Variants in NEGR1 observed in about 807,000 individuals in gnomAD.
NEGR1 encodes the protein IgLON family member 4.
A neutral mutation model predicts 40.9 loss-of-function variants in NEGR1; 10 were observed. The observed-to-expected ratio is 0.24, with a 90% CI of 0.15 to 0.42. The LOEUF (loss-of-function observed/expected upper bound fraction) is 0.42. NEGR1 is among the 10% of genes least tolerant of loss of function. The pLI is 1.00. For synonymous variants in NEGR1, 185 were observed against 166.8 expected (o/e 1.11, Z -0.84); for missense variants, 352 against 438.9 (o/e 0.80, Z 1.77).
chr1:71,902,906 CATTT>C (rs1336863577), intron 2 of NEGR1, among the ~76,000 whole-genome samples: 2 of 151,804 alleles, frequency 1.3e-5, no homozygotes, highest in South Asian at 2.1e-4. Context: ...GGATGAGCTT[CATTT>C]ATTAATTATG....
At chr1:72,248,970 T>C (rs1654998169) in intron 1 of NEGR1, among the ~76,000 whole-genome samples, 1 of 152,224 alleles carries the variant, frequency 6.6e-6, no homozygotes, top group African/African-American at 2.4e-5. Flanking sequence ...TGCTACTCCA[T>C]TATTCATTTT....
intron 1 of NEGR1, among the ~76,000 whole-genome samples, chr1:72,204,728 T>C (rs1436997612): frequency 6.6e-6 from 1 of 152,192 alleles, no homozygotes; most frequent in Non-Finnish European, 1.5e-5. Context: ...ATAATATACA[T>C]GGATACTCAT....
At chr1:72,252,603 A>G (rs1007352491) in intron 1 of NEGR1, among the ~76,000 whole-genome samples, 1 of 152,192 alleles carries the variant, frequency 6.6e-6, no homozygotes, top group Admixed American at 6.5e-5. Flanking sequence ...TCTATAGTAC[A>G]TATATTAACT....
chr1:71,676,819 T>A (rs1233170644), intron 4 of NEGR1, among the ~76,000 whole-genome samples: 1 of 152,010 alleles, frequency 6.6e-6, no homozygotes, highest in Non-Finnish European at 1.5e-5. Flanking sequence ...AAATTCTGAG[T>A]GAAGGAGGAC....
At chr1:72,258,518 GAAGAA>G (rs1017110022) in intron 1 of NEGR1, among the ~76,000 whole-genome samples, 7 of 151,998 alleles carry the variant, frequency 4.6e-5, no homozygotes, top group African/African-American at 9.7e-5. Flanking sequence ...CAGAGACAAA[GAAGAA>G]AAGAAGAAAT....
chr1:71,415,934 G>C (rs115106810), intron 6 of NEGR1, among the ~76,000 whole-genome samples: 82 of 152,250 alleles, frequency 5.4e-4, no homozygotes, highest in African/African-American at 1.9e-3. Context: ...GTGTGTGTAT[G>C]TGTGTTTTAA....
intron 3 of NEGR1, among the ~76,000 whole-genome samples, chr1:71,772,696 A>G (rs2125775): frequency 0.74 from 113,177 of 151,990 alleles, 44,133 homozygotes; most frequent in East Asian, 0.86. Context: ...TCTATTCTTC[A>G]GAAATTAACA....
At chr1:72,215,365 G>C (rs1653761470) in intron 1 of NEGR1, among the ~76,000 whole-genome samples, 2 of 152,038 alleles carry the variant, frequency 1.3e-5, no homozygotes, top group African/African-American at 2.4e-5. Context: ...ATTGAAAAAT[G>C]GTATCTAATT....
At chr1:71,821,012 G>A (rs1354666121) in intron 2 of NEGR1, among the ~76,000 whole-genome samples, 3 of 151,922 alleles carry the variant, frequency 2.0e-5, no homozygotes, top group South Asian at 2.1e-4. Flanking sequence ...GATTAATATG[G>A]CCTAAGGAAC....
intron 6 of NEGR1, among the ~76,000 whole-genome samples, chr1:71,450,045 C>T (rs1021027955): frequency 1.4e-5 from 2 of 147,950 alleles, no homozygotes. Context: ...GGCTAGAGTG[C>T]AGCGGTCCAC....
At chr1:71,823,826 C>T (rs563939749) in intron 2 of NEGR1, among the ~76,000 whole-genome samples, 127 of 152,172 alleles carry the variant, frequency 8.3e-4, no homozygotes, top group African/African-American at 2.9e-3. Context: ...TTACGGCCAA[C>T]GCCGCCTATT....
intron 1 of NEGR1, among the ~76,000 whole-genome samples, chr1:72,063,321 T>C (rs1047164808): frequency 3.9e-5 from 6 of 152,016 alleles, no homozygotes; most frequent in African/African-American, 1.2e-4. Flanking sequence ...GTCACACCTA[T>C]TAGGTTGGTG....
chr1:71,951,603 G>T (rs1373981827), intron 1 of NEGR1, among the ~76,000 whole-genome samples: 1 of 151,790 alleles, frequency 6.6e-6, no homozygotes, highest in East Asian at 1.9e-4. Context: ...ATAAAAAATA[G>T]CTTCTTTTAA....
intron 2 of NEGR1, among the ~76,000 whole-genome samples, chr1:71,903,279 A>T (rs1256318070): frequency 6.6e-6 from 1 of 151,978 alleles, no homozygotes; most frequent in African/African-American, 2.4e-5. Flanking sequence ...ATTATATTTA[A>T]TAAATACATT....
At chr1:71,419,611 T>A (rs540682240) in intron 6 of NEGR1, among the ~76,000 whole-genome samples, 1 of 152,186 alleles carries the variant, frequency 6.6e-6, no homozygotes, top group East Asian at 1.9e-4. Flanking sequence ...ACTATCATCA[T>A]TTTGGTTTCT....
intron 1 of NEGR1, among the ~76,000 whole-genome samples, chr1:71,948,507 G>C (rs998390068): frequency 2.0e-5 from 3 of 151,830 alleles, no homozygotes; most frequent in African/African-American, 7.3e-5. Flanking sequence ...GAGAGAGAGA[G>C]AGAGAGAGAG....
chr1:71,749,577 T>C (rs1655499785), intron 3 of NEGR1, among the ~76,000 whole-genome samples: 1 of 152,158 alleles, frequency 6.6e-6, no homozygotes, highest in Non-Finnish European at 1.5e-5. Context: ...GCTTGGGCCC[T>C]TTCATTTGCT....
intron 3 of NEGR1, among the ~76,000 whole-genome samples, chr1:71,746,965 AG>A (rs1225245099): frequency 6.6e-6 from 1 of 152,234 alleles, no homozygotes; most frequent in Non-Finnish European, 1.5e-5. Context: ...TCTGATTCTA[AG>A]GGTCACTGAA....
At chr1:72,051,517 T>C (rs1009697139) in intron 1 of NEGR1, among the ~76,000 whole-genome samples, 1 of 151,538 alleles carries the variant, frequency 6.6e-6, no homozygotes, top group East Asian at 1.9e-4. Context: ...TATGCGATAT[T>C]ATTTTGTTGC....
Sources: gnomAD v4.1 joint callset for allele counts (sites outside exome capture counted in the v4.1 genomes callset) on GRCh38, gnomAD v4.1.1 for gene constraint, MANE v1.5 for transcripts, NCBI Gene and HGNC (gene_info 2026-07-23, HGNC 2026-07-21) for gene names.